NPIPA8: variants seen among roughly 807,000 people sequenced by gnomAD.
The protein encoded by NPIPA8 is nuclear pore complex interacting protein family member A8.
A neutral mutation model predicts 7.1 loss-of-function variants in NPIPA8; 1 was observed. The observed-to-expected ratio is 0.14, with a 90% CI of 0.05 to 0.66. NPIPA8 has a LOEUF of 0.66. Among genes scored for constraint, NPIPA8 ranks in the 30% least tolerant of loss-of-function variants. The pLI is 0.84.
intron 4 of NPIPA8, among the ~76,000 whole-genome samples, chr16:18,323,847 A>AAAAAAAAAAAAAAAAAAAAAAAAAAAG (rs750129798): frequency 2.2e-5 from 2 of 91,642 alleles, no homozygotes; most frequent in East Asian, 3.5e-4. Context: ...AAAAAAAAAA[A>AAAAAAAAAAAAAAAAAAAAAAAAAAAG]AGAGAAAGGA....
chr16:18,323,819 GAAAAAAAAAAAAAAAAA>G lies in NPIPA8; in HGVS notation c.437+255_437+271del, dbSNP rs1162097124. ...CAACAAGAGCAAAGCCCCATCTCAGGAAAAAAAAAAAAAAAAAAAAAAAAAAAAAGAGAAAGGAAAAC... is the reference window on the plus strand; with the variant it reads ...CAACAAGAGCAAAGCCCCATCTCAGGAAAAAAAAAAAAGAGAAAGGAAAAC... On this transcript the variant is annotated intron_variant, in intron 4 of 7. Coordinates refer to ENST00000541810, the Ensembl canonical transcript of NPIPA8. Among the ~76,000 whole-genome samples, 7 of 33,170 alleles carry G rather than the reference GAAAAAAAAAAAAAAAAA, an allele frequency of 2.1e-4. No individual in the cohort carries two copies. The South Asian group carries it at 5.4e-3, about 26-fold the overall frequency. 21.8% of individuals were successfully genotyped at this position (33,170 alleles called of 152,430 possible).
At chr16:18,324,839 CAA>C (rs1363434883) in intron 2 of NPIPA8, among the ~76,000 whole-genome samples, 1 of 86,640 alleles carries the variant, frequency 1.2e-5, no homozygotes, top group East Asian at 2.9e-4. Context: ...CACACACACA[CAA>C]AGAATGACAT....
intron 4 of NPIPA8, among the ~76,000 whole-genome samples, chr16:18,323,381 C>T (rs1301024517): frequency 9.7e-5 from 1 of 10,312 alleles, no homozygotes; most frequent in Non-Finnish European, 1.8e-4. Flanking sequence ...CCGAATGTGG[C>T]GGCACACACC....
upstream of NPIPA8, among the ~76,000 whole-genome samples, chr16:18,335,213 TTTA>T (rs1490965529): frequency 2.4e-4 from 6 of 24,544 alleles, no homozygotes; most frequent in South Asian, 2.5e-3. Context: ...TTTTTTTTTT[TTTA>T]AGATGGAGTC....
At chr16:18,335,426 C>T (rs1419914066), upstream of NPIPA8, among the ~76,000 whole-genome samples, 7 of 111,064 alleles carry the variant, frequency 6.3e-5, no homozygotes, top group South Asian at 5.7e-4. Context: ...CTTGGAACTC[C>T]TGACCTCAAG....
chr16:18,335,659 A>G, upstream of NPIPA8, among the ~76,000 whole-genome samples: 7 of 105,702 alleles, frequency 6.6e-5, no homozygotes, highest in Non-Finnish European at 3.8e-5. Flanking sequence ...CCACGTGTGC[A>G]TTCCTAAGGG....
intron 2 of NPIPA8, among the ~76,000 whole-genome samples, 191 bp from the exon 5 acceptor site, chr16:18,324,689 G>A (rs1163599029): frequency 1.4e-5 from 1 of 70,456 alleles, no homozygotes; most frequent in Non-Finnish European, 2.6e-5. Context: ...CCTGTAATCC[G>A]AGCTACTCGG....
At chr16:18,335,550 G>A (rs1446506398), upstream of NPIPA8, among the ~76,000 whole-genome samples, 3 of 112,246 alleles carry the variant, frequency 2.7e-5, no homozygotes, top group Non-Finnish European at 5.5e-5. Flanking sequence ...GTGGCCTCTG[G>A]TTCCTGCCAC....
At chr16:18,323,848 A>AGG (rs1900056515) in intron 4 of NPIPA8, among the ~76,000 whole-genome samples, 1 of 112,574 alleles carries the variant, frequency 8.9e-6, no homozygotes, top group Non-Finnish European at 1.9e-5. Flanking sequence ...AAAAAAAAAA[A>AGG]GAGAAAGGAA....
chr16:18,323,834 A>G, intron 4 of NPIPA8, among the ~76,000 whole-genome samples: 1 of 129,468 alleles, frequency 7.7e-6, no homozygotes, highest in Non-Finnish European at 1.7e-5. Flanking sequence ...AAAAAAAAAA[A>G]AAAAAAAAAA....
chr16:18,336,247 C>T (rs1377797592), upstream of NPIPA8, among the ~76,000 whole-genome samples: 15 of 123,268 alleles, frequency 1.2e-4, no homozygotes, highest in South Asian at 5.9e-4. Flanking sequence ...CCACCACACC[C>T]GGCCCGGCCA....
chr16:18,325,432 T>TA (rs1900114265), intron 2 of NPIPA8, among the ~76,000 whole-genome samples: 2 of 178 alleles, frequency 0.011, no homozygotes, highest in African/African-American at 0.042. Flanking sequence ...AGACTCTGTC[T>TA]CAAAAAAAAA....
intron 2 of NPIPA8, among the ~76,000 whole-genome samples, chr16:18,325,056 T>G (rs868291094): frequency 1.6e-5 from 1 of 62,308 alleles, no homozygotes; most frequent in Non-Finnish European, 3.0e-5. Flanking sequence ...ATCACTTGAA[T>G]CCAGCAGGAA....
At chr16:18,335,928 C>T (rs1900170266), upstream of NPIPA8, among the ~76,000 whole-genome samples, 1 of 148,820 alleles carries the variant, frequency 6.7e-6, no homozygotes, top group African/African-American at 2.5e-5. Flanking sequence ...TCATGCCATT[C>T]TCCTGCCTCA....
upstream of NPIPA8, among the ~76,000 whole-genome samples, chr16:18,336,121 C>A (rs1900176149): frequency 7.0e-6 from 1 of 142,660 alleles, no homozygotes; most frequent in African/African-American, 2.7e-5. Flanking sequence ...CGTGCCTGGC[C>A]CTTTTTAATG....
At chr16:18,335,540 G>A (rs1379331074), upstream of NPIPA8, among the ~76,000 whole-genome samples, 1 of 113,070 alleles carries the variant, frequency 8.8e-6, no homozygotes, top group Non-Finnish European at 1.8e-5. Context: ...GCAGCCACAT[G>A]TGGCCTCTGG....
At chr16:18,335,589 G>A (rs558176167), upstream of NPIPA8, among the ~76,000 whole-genome samples, 2,557 of 91,088 alleles carry the variant, frequency 0.028, 85 homozygotes, top group Middle Eastern at 0.045. Context: ...TCCTGGTCGC[G>A]GCTTATGCGC....
rs935935326 is a variant in NPIPA8, at chr16:18,324,973, A to T, written c.193-475T>A. ...AACATGGAGAAACGCTGTCTCTGCT[A>T]AAAATTCAAAATTAGCCAGGCATGG... is the stretch of plus-strand genomic sequence containing the variant. On this transcript the variant is annotated intron_variant, in intron 2 of 7. Coordinates refer to ENST00000541810, the Ensembl canonical transcript of NPIPA8. 2.1e-3 allele frequency among the ~76,000 whole-genome samples: 165 copies of T among 77,952 alleles called. 32 individuals carry two copies. The highest frequency in any genetic ancestry group is 3.3e-3 in the Non-Finnish European group (134 of 41,160). The allele number at this position is 77,952 out of a possible 152,430, so 51.1% of individuals were successfully genotyped here.
upstream of NPIPA8, among the ~76,000 whole-genome samples, chr16:18,336,264 G>A (rs1462976233): frequency 8.3e-6 from 1 of 121,110 alleles, no homozygotes; most frequent in African/African-American, 3.5e-5. Context: ...GCCACTGGGA[G>A]GTTTCTAAGG....
Sources: allele counts gnomAD v4.1 joint callset (sites outside exome capture counted in the v4.1 genomes callset), GRCh38; gene constraint gnomAD v4.1.1; transcripts MANE v1.5; gene names NCBI Gene and HGNC (gene_info 2026-07-23, HGNC 2026-07-21).